The following SLC14A2 variants were observed in gnomAD, a reference collection of about 807,000 sequenced individuals.
SLC14A2 encodes urea transporter 2.
Under a neutral mutation model 104.6 loss-of-function variants are expected in SLC14A2, and 91 were observed. The ratio of observed to expected loss-of-function variants is 0.87; its 90% CI spans 0.73 to 1.04. The LOEUF is 1.04. SLC14A2 is among the 50% of genes least tolerant of loss of function. SLC14A2 has a pLI of 0.00. For synonymous variants in SLC14A2, 476 were observed against 466.4 expected, an observed-to-expected ratio of 1.02 and a Z score of -0.27; for missense variants, 1,189 against 1,156.0, an observed-to-expected ratio of 1.03 and a Z score of -0.41.
intron 1 of SLC14A2, among the ~76,000 whole-genome samples, chr18:45,442,578 A>G (rs1156459910): frequency 2.0e-5 from 3 of 151,936 alleles, no homozygotes; most frequent in Non-Finnish European, 2.9e-5. Flanking sequence ...AGCCCACCCT[A>G]CTCCATTATA....
chr18:45,532,682 C>G (rs1425746372), intron 2 of SLC14A2, among the ~76,000 whole-genome samples: 1 of 151,760 alleles, frequency 6.6e-6, no homozygotes, highest in East Asian at 1.9e-4. Context: ...AATTGAATAC[C>G]CTTTATTTCC....
intron 2 of SLC14A2, among the ~76,000 whole-genome samples, chr18:45,551,967 A>G (rs947476067): frequency 2.6e-5 from 4 of 152,220 alleles, no homozygotes; most frequent in Non-Finnish European, 5.9e-5. Flanking sequence ...GTTAATTTGC[A>G]TCTCACATTC....
intron 1 of SLC14A2, among the ~76,000 whole-genome samples, chr18:45,414,757 A>AATATATATATATATATATATATATAT (rs71177674): frequency 6.6e-5 from 5 of 76,092 alleles, no homozygotes; most frequent in Non-Finnish European, 8.7e-5. Context: ...AAAAAAAAAA[A>AATATATATATATATATATATATATAT]ATATATATAT....
intron 1 of SLC14A2, among the ~76,000 whole-genome samples, chr18:45,415,386 T>G (rs1234479984): frequency 6.6e-6 from 1 of 152,194 alleles, no homozygotes; most frequent in Non-Finnish European, 1.5e-5. Flanking sequence ...GTGTATACCC[T>G]GGGACTTGAT....
intron 1 of SLC14A2, among the ~76,000 whole-genome samples, chr18:45,427,812 C>A (rs1229189624): frequency 1.3e-5 from 2 of 152,080 alleles, no homozygotes; most frequent in Non-Finnish European, 2.9e-5. Flanking sequence ...GAGGACAGGG[C>A]AAGCAGGAGA....
At chr18:45,558,122 T>C (rs1395872041) in intron 2 of SLC14A2, among the ~76,000 whole-genome samples, 1 of 152,136 alleles carries the variant, frequency 6.6e-6, no homozygotes, top group East Asian at 1.9e-4. Context: ...GTCCCTCCTT[T>C]CCAGCTACTC....
At chr18:45,490,603 A>G (rs2042979919) in intron 2 of SLC14A2, among the ~76,000 whole-genome samples, 1 of 152,222 alleles carries the variant, frequency 6.6e-6, no homozygotes, top group Admixed American at 6.5e-5. Context: ...AAATTTGACT[A>G]TGTTAAAATT....
At chr18:45,288,362 C>A (rs2084836029) in intron 1 of SLC14A2, among the ~76,000 whole-genome samples, 1 of 152,172 alleles carries the variant, frequency 6.6e-6, no homozygotes, top group Non-Finnish European at 1.5e-5. Flanking sequence ...CATGAGCAAA[C>A]AAATGTCATG....
intron 1 of SLC14A2, among the ~76,000 whole-genome samples, chr18:45,461,559 C>A (rs1224034459): frequency 6.6e-6 from 1 of 152,184 alleles, no homozygotes; most frequent in Non-Finnish European, 1.5e-5. Flanking sequence ...TATTTGAGAT[C>A]AAAGTGCCTA....
At chr18:45,500,223 C>T (rs2043169637) in intron 2 of SLC14A2, among the ~76,000 whole-genome samples, 1 of 152,190 alleles carries the variant, frequency 6.6e-6, no homozygotes, top group Non-Finnish European at 1.5e-5. Flanking sequence ...CCAAGGAGTG[C>T]TGCTTTCTCT....
chr18:45,315,705 G>GA, intron 1 of SLC14A2, among the ~76,000 whole-genome samples: 1 of 152,286 alleles, frequency 6.6e-6, no homozygotes, highest in South Asian at 2.1e-4. Context: ...GGAATGAGAT[G>GA]AGATTCAAGT....
At chr18:45,343,545 T>A (rs2144289062) in intron 1 of SLC14A2, among the ~76,000 whole-genome samples, 1 of 152,300 alleles carries the variant, frequency 6.6e-6, no homozygotes, top group South Asian at 2.1e-4. Context: ...AATTAAAATG[T>A]TTTACTATCT....
At chr18:45,243,989 T>C (rs996479935) in intron 1 of SLC14A2, among the ~76,000 whole-genome samples, 1 of 152,168 alleles carries the variant, frequency 6.6e-6, no homozygotes, top group African/African-American at 2.4e-5. Context: ...CTGATTTATA[T>C]AATGTCTCTG....
rs548501003 is a variant in SLC14A2, at chr18:45,424,481, G to C, written c.-124-58752G>C. On this transcript the variant is annotated intron_variant, in intron 1 of 20. Coordinates refer to the SLC14A2 transcript ENST00000586448. Reference sequence around the variant, plus strand: ...TGGATGCCTGAAGGCAGGAAGAAAGGGGGTAGGGTCAGCAGGCCCAGGGGC... The same window carrying C: ...TGGATGCCTGAAGGCAGGAAGAAAGCGGGTAGGGTCAGCAGGCCCAGGGGC... Among the ~76,000 whole-genome samples, 26 of 152,346 alleles carry C rather than the reference G, an allele frequency of 1.7e-4. 1 individual carries two copies. Among genetic ancestry groups the C allele is most frequent in the Admixed American group, 6.5e-5 (1 of 15,304 alleles).
At chr18:45,599,728 AGAC>A (rs1054349861) in intron 2 of SLC14A2, among the ~76,000 whole-genome samples, 2 of 152,198 alleles carry the variant, frequency 1.3e-5, no homozygotes, top group African/African-American at 4.8e-5. Context: ...GATATACCTG[AGAC>A]TGGGCAATTT....
the SLC14A2 span, among the ~76,000 whole-genome samples, chr18:45,195,636 C>T: frequency 2.2e-4 from 34 of 152,226 alleles, no homozygotes; most frequent in South Asian, 3.1e-3. Flanking sequence ...GTGAACTGCC[C>T]GCCTTGGCCT....
At chr18:45,336,620 T>C (rs939118991) in intron 1 of SLC14A2, among the ~76,000 whole-genome samples, 4 of 152,158 alleles carry the variant, frequency 2.6e-5, no homozygotes, top group African/African-American at 9.7e-5. Flanking sequence ...GAAGAGTACA[T>C]TCATAGATCC....
intron 1 of SLC14A2, among the ~76,000 whole-genome samples, chr18:45,349,648 A>C (rs2085483185): frequency 1.3e-5 from 2 of 152,230 alleles, no homozygotes; most frequent in Non-Finnish European, 2.9e-5. Context: ...GAATGGGCAG[A>C]TTGCACAAAC....
At chr18:45,304,427 C>T (rs2084997533) in intron 1 of SLC14A2, among the ~76,000 whole-genome samples, 1 of 152,110 alleles carries the variant, frequency 6.6e-6, no homozygotes. Context: ...TTGTTTTTGT[C>T]TCTGTTTCTA....
Sources: gnomAD v4.1 joint callset for allele counts (sites outside exome capture counted in the v4.1 genomes callset) on GRCh38, gnomAD v4.1.1 for gene constraint, MANE v1.5 for transcripts, NCBI Gene and HGNC (gene_info 2026-07-23, HGNC 2026-07-21) for gene names.